The following STK38L variants were observed in gnomAD, a reference collection of about 807,000 sequenced individuals.
The protein encoded by STK38L is serine/threonine kinase 38 like, also known as serine/threonine-protein kinase 38-like.
A neutral mutation model predicts 59.7 loss-of-function variants in STK38L; 28 were observed. The observed-to-expected ratio is 0.47, with a 90% CI of 0.35 to 0.64. STK38L has a LOEUF of 0.64. STK38L is among the 30% of genes least tolerant of loss of function. The pLI is 0.01. For synonymous variants in STK38L, 162 were observed against 176.8 expected, an observed-to-expected ratio of 0.92 and a Z score of 0.66; for missense variants, 314 against 555.8, an observed-to-expected ratio of 0.56 and a Z score of 4.37.
intron 1 of STK38L, among the ~76,000 whole-genome samples, chr12:27,292,086 A>G (rs1484477819): frequency 2.0e-5 from 3 of 152,248 alleles, no homozygotes; most frequent in African/African-American, 4.8e-5. Flanking sequence ...AGGAAATTCA[A>G]GGGCACCTTG....
rs114744862 is a variant in STK38L, at chr12:27,309,165, T to C, written c.361T>C (p.Leu121=). 1.9e-6 allele frequency: 3 copies of C among 1,602,936 alleles called. No homozygotes were observed. The highest frequency in any genetic ancestry group is 1.3e-5 in the African/African-American group (1 of 74,604). ...DTGHIYAMKI[L]RKSDMLEKEQ... ...AGGCCATATCTATGCAATGAAGATA[T>C]TGAGAAAGTCTGATATGCTTGAAAA... The change falls in exon 5 of 14, where the codon TTG becomes CTG. Residue 121 remains leucine, a synonymous_variant. Transcript: ENST00000389032.
intron 1 of STK38L, among the ~76,000 whole-genome samples, chr12:27,278,924 C>T (rs1213057100): frequency 6.6e-6 from 1 of 151,930 alleles, no homozygotes; most frequent in Non-Finnish European, 1.5e-5. Context: ...TTGAACTTTC[C>T]AAGTAGATTT....
intron 1 of STK38L, among the ~76,000 whole-genome samples, chr12:27,252,020 C>T (rs552647832): frequency 6.6e-6 from 1 of 152,206 alleles, no homozygotes; most frequent in Admixed American, 6.5e-5. Context: ...CGCTGTGTCA[C>T]CCAGGCTGGA....
intron 1 of STK38L, among the ~76,000 whole-genome samples, chr12:27,279,238 G>A (rs1943601113): frequency 6.6e-6 from 1 of 152,168 alleles, no homozygotes; most frequent in Non-Finnish European, 1.5e-5. Flanking sequence ...TTGGGATGTA[G>A]CCCCATTGAA....
At chr12:27,254,844 A>G (rs1943057067) in intron 1 of STK38L, among the ~76,000 whole-genome samples, 2 of 151,924 alleles carry the variant, frequency 1.3e-5, no homozygotes, top group Admixed American at 6.6e-5. Context: ...GAGATCAAGT[A>G]CCTCCACACC....
At chr12:27,289,067 GA>G (rs1252903043) in intron 1 of STK38L, among the ~76,000 whole-genome samples, 1 of 152,124 alleles carries the variant, frequency 6.6e-6, no homozygotes, top group Non-Finnish European at 1.5e-5. Context: ...CATTTCTGCT[GA>G]GGTAATTTTT....
chr12:27,273,546 A>G (rs10743602), intron 1 of STK38L, among the ~76,000 whole-genome samples: 106,324 of 152,068 alleles, frequency 0.7, 38,181 homozygotes, highest in Non-Finnish European at 0.79. Context: ...AGTATTAAGC[A>G]TATTACCTAC....
chr12:27,292,731 A>G (rs1422846484), intron 1 of STK38L, among the ~76,000 whole-genome samples: 3 of 152,228 alleles, frequency 2.0e-5, no homozygotes, highest in Admixed American at 6.5e-5. Context: ...GTGTAACTAC[A>G]ATGGAAAGAA....
intron 1 of STK38L, among the ~76,000 whole-genome samples, chr12:27,292,280 T>A (rs1288918039): frequency 6.6e-6 from 1 of 152,244 alleles, no homozygotes; most frequent in Non-Finnish European, 1.5e-5. Flanking sequence ...ACTTCTTAGT[T>A]TTGTATAATT....
rs373023671 is a variant in STK38L, at chr12:27,254,389, A to G, written c.-12+10057A>G. On this transcript the variant is annotated intron_variant, in intron 1 of 13. Coordinates refer to ENST00000389032, the MANE Select transcript of STK38L (RefSeq NM_015000.4). ...TGACCCTAAACTTCAGATGGTGTCAAACATCATCTCTGGTCCTCCTCTATC... is the reference window on the plus strand; with the variant it reads ...TGACCCTAAACTTCAGATGGTGTCAGACATCATCTCTGGTCCTCCTCTATC... Among the ~76,000 whole-genome samples, 143 of 152,360 alleles carry G rather than the reference A, an allele frequency of 9.4e-4. 2 individuals carry two copies. In the South Asian group the frequency reaches 0.025, roughly 27 times the overall value.
intron 12 of STK38L, among the ~76,000 whole-genome samples, chr12:27,321,038 T>C (rs978880498): frequency 2.0e-5 from 3 of 152,142 alleles, no homozygotes; most frequent in Non-Finnish European, 4.4e-5. Flanking sequence ...GAGGGAACAG[T>C]CATGGAGCAG....
chr12:27,264,631 A>G (rs907880006), intron 1 of STK38L, among the ~76,000 whole-genome samples: 1 of 152,232 alleles, frequency 6.6e-6, no homozygotes, highest in African/African-American at 2.4e-5. Flanking sequence ...AAAAAACAGC[A>G]TGGTATACCA....
chr12:27,297,438 A>G lies in STK38L; in HGVS notation c.-11-272A>G, dbSNP rs1944052124. On this transcript the variant is annotated intron_variant, in intron 1 of 13. Transcript: ENST00000389032. ...TGCTTGTTGAATGTGACCTTTGTAT[A>G]TAAATGTGTCTATATTATATATGGA... 2.0e-5 allele frequency among the ~76,000 whole-genome samples: 3 copies of G among 152,346 alleles called. No homozygotes were observed. In the Middle Eastern group the frequency reaches 0.01, roughly 518 times the overall value.
chr12:27,255,861 A>G (rs1943081007), intron 1 of STK38L, among the ~76,000 whole-genome samples: 1 of 152,136 alleles, frequency 6.6e-6, no homozygotes, highest in Non-Finnish European at 1.5e-5. Flanking sequence ...TCTGTCTTCT[A>G]GATATCACCA....
At chr12:27,272,612 G>A (rs1354428495) in intron 1 of STK38L, among the ~76,000 whole-genome samples, 1 of 152,180 alleles carries the variant, frequency 6.6e-6, no homozygotes, top group Non-Finnish European at 1.5e-5. Context: ...TCTGCTTTGT[G>A]AGACTGGGTG....
chr12:27,271,338 C>T (rs9668377), intron 1 of STK38L, among the ~76,000 whole-genome samples: 129,933 of 152,226 alleles, frequency 0.85, 55,651 homozygotes, highest in Non-Finnish European at 0.89. Flanking sequence ...TACATTTTCA[C>T]TGTGGTTGGT....
intron 12 of STK38L, among the ~76,000 whole-genome samples, chr12:27,320,964 G>C (rs1395365945): frequency 1.3e-5 from 2 of 151,996 alleles, no homozygotes; most frequent in East Asian, 3.9e-4. Flanking sequence ...AATAGAACTA[G>C]AATACCCTCC....
At chr12:27,251,905 G>A (rs7308281) in intron 1 of STK38L, among the ~76,000 whole-genome samples, 1 of 152,210 alleles carries the variant, frequency 6.6e-6, no homozygotes, top group African/African-American at 2.4e-5. Context: ...AAGGAATAGG[G>A]TGAAGGGAGG....
chr12:27,304,429 A>T (rs1388761328), intron 3 of STK38L, among the ~76,000 whole-genome samples: 5 of 152,100 alleles, frequency 3.3e-5, no homozygotes, highest in African/African-American at 1.2e-4. Context: ...GACTTATACT[A>T]AAGGTGGTAA....
Sources: allele counts gnomAD v4.1 joint callset (sites outside exome capture counted in the v4.1 genomes callset), GRCh38; gene constraint gnomAD v4.1.1; transcripts MANE v1.5; gene names NCBI Gene and HGNC (gene_info 2026-07-23, HGNC 2026-07-21).